Variants in RUNDC3B observed in about 807,000 individuals in gnomAD.
RUNDC3B encodes the protein RUN domain containing 3B, also known as RUN domain-containing protein 3B.
A neutral mutation model predicts 58.4 loss-of-function variants in RUNDC3B; 33 were observed. That is an observed-to-expected ratio of 0.56 (90% confidence interval 0.43 to 0.75). RUNDC3B has a LOEUF of 0.75. Ranked by LOEUF, RUNDC3B falls within the 30% of genes least tolerant of loss-of-function variation. The pLI, the probability that RUNDC3B is intolerant of heterozygous loss-of-function variation, is 0.00. For missense variants in RUNDC3B, 501 were observed against 535.7 expected (o/e 0.94, Z 0.64); for synonymous variants, 193 against 195.2 (o/e 0.99, Z 0.10).
At chr7:87,637,430 A>G (rs529267252) in intron 1 of RUNDC3B, among the ~76,000 whole-genome samples, 1 of 152,282 alleles carries the variant, frequency 6.6e-6, no homozygotes, top group Non-Finnish European at 1.5e-5. Context: ...TTTAGAATCA[A>G]CTTGTCAATT....
At chr7:87,671,467 G>C (rs1825817484) in intron 2 of RUNDC3B, among the ~76,000 whole-genome samples, 1 of 152,080 alleles carries the variant, frequency 6.6e-6, no homozygotes, top group Admixed American at 6.6e-5. Flanking sequence ...TTAACACTCT[G>C]GCCAATTTTC....
chr7:87,830,132 G>A lies in RUNDC3B; in HGVS notation c.*102G>A, dbSNP rs1439194442. ...GAAATTTTATATTGTTCTGGTACATGTCTGAAATTCTATTGCTTGGAGAGA... is the reference window on the plus strand; with the variant it reads ...GAAATTTTATATTGTTCTGGTACATATCTGAAATTCTATTGCTTGGAGAGA... On this transcript the variant is annotated 3_prime_UTR_variant, in exon 11 of 11. Coordinates refer to ENST00000394654, the MANE Select transcript of RUNDC3B (RefSeq NM_001134405.2). 1.7e-6 allele frequency: 1 copy of A among 581,054 alleles called. No individual in the cohort carries two copies. Among genetic ancestry groups the A allele is most frequent in the East Asian group, 3.2e-5 (1 of 30,844 alleles). 36.0% of individuals were successfully genotyped at this position (581,054 alleles called of 1,614,324 possible).
intron 4 of RUNDC3B, among the ~76,000 whole-genome samples, chr7:87,724,030 T>C (rs1831064462): frequency 6.6e-6 from 1 of 152,118 alleles, no homozygotes; most frequent in African/African-American, 2.4e-5. Context: ...GAGACCAGCC[T>C]GGGCAACATA....
intron 1 of RUNDC3B, among the ~76,000 whole-genome samples, chr7:87,647,264 G>A (rs1823102987): frequency 6.6e-6 from 1 of 152,120 alleles, no homozygotes; most frequent in South Asian, 2.1e-4. Context: ...AGTATTCTAA[G>A]ACATTATTTG....
intron 1 of RUNDC3B, 63 bp downstream of exon 1, chr7:87,629,008 C>T (rs1347333334): frequency 5.5e-6 from 7 of 1,282,270 alleles, no homozygotes; most frequent in African/African-American, 1.5e-5. Context: ...TGGGCTTCCG[C>T]GCGGGTCCTT....
At chr7:87,718,778 A>G (rs1583994320) in intron 4 of RUNDC3B, among the ~76,000 whole-genome samples, 1 of 152,164 alleles carries the variant, frequency 6.6e-6, no homozygotes, top group Non-Finnish European at 1.5e-5. Context: ...ATTCAGAAAC[A>G]CTACTTGTAT....
chr7:87,660,740 A>C (rs78551386), intron 2 of RUNDC3B, among the ~76,000 whole-genome samples: 1 of 151,836 alleles, frequency 6.6e-6, no homozygotes, highest in Non-Finnish European at 1.5e-5. Context: ...GCTTTGGCTA[A>C]ATTTATGTTT....
intron 10 of RUNDC3B, among the ~76,000 whole-genome samples, chr7:87,820,476 C>A (rs916933419): frequency 7.2e-5 from 11 of 152,240 alleles, no homozygotes; most frequent in Non-Finnish European, 1.6e-4. Context: ...GGAACTGGTA[C>A]CATTCCTTCT....
intron 1 of RUNDC3B, among the ~76,000 whole-genome samples, chr7:87,641,942 T>C (rs1822500964): frequency 6.6e-6 from 1 of 152,134 alleles, no homozygotes; most frequent in Non-Finnish European, 1.5e-5. Flanking sequence ...TCAAAATTAA[T>C]ATTAATAACA....
At chr7:87,662,286 T>C (rs1232537197) in intron 2 of RUNDC3B, among the ~76,000 whole-genome samples, 1 of 152,146 alleles carries the variant, frequency 6.6e-6, no homozygotes, top group Non-Finnish European at 1.5e-5. Flanking sequence ...TTTGCTTTGG[T>C]TCCCTGTTCT....
chr7:87,693,853 T>C (rs2130658276), intron 2 of RUNDC3B: 1 of 1,572,954 alleles, frequency 6.4e-7, no homozygotes, highest in Admixed American at 1.7e-5. Context: ...ACTGTAAACA[T>C]GATGGCAGGT....
chr7:87,741,644 TTGTC>T (rs1451975336), intron 6 of RUNDC3B, 65 bp downstream of exon 6: 8 of 916,770 alleles, frequency 8.7e-6, no homozygotes, highest in Non-Finnish European at 1.4e-5. Flanking sequence ...TGTGCAATGT[TTGTC>T]TGATCAAAAC....
chr7:87,754,573 C>T (rs1223672421), intron 6 of RUNDC3B, among the ~76,000 whole-genome samples: 6 of 151,818 alleles, frequency 4.0e-5, no homozygotes, highest in Admixed American at 3.9e-4. Context: ...TAGCAAAAGA[C>T]AATAACCAAA....
At chr7:87,792,535 A>G (rs1364457018) in intron 8 of RUNDC3B, among the ~76,000 whole-genome samples, 1 of 152,132 alleles carries the variant, frequency 6.6e-6, no homozygotes, top group Non-Finnish European at 1.5e-5. Context: ...ACAATGGAAT[A>G]TAACTAGAAA....
intron 3 of RUNDC3B, among the ~76,000 whole-genome samples, chr7:87,700,828 C>A (rs986986810): frequency 6.6e-6 from 1 of 152,124 alleles, no homozygotes; most frequent in Admixed American, 6.6e-5. Flanking sequence ...TGTTATTTGC[C>A]TTTTCGCTGT....
At chr7:87,799,031 A>G (rs956364390) in intron 8 of RUNDC3B, among the ~76,000 whole-genome samples, 1 of 152,370 alleles carries the variant, frequency 6.6e-6, no homozygotes, top group Admixed American at 6.5e-5. Flanking sequence ...AGAAGTTAGG[A>G]TATTCACAAG....
At chr7:87,824,312 A>G (rs1837671093) in intron 10 of RUNDC3B, among the ~76,000 whole-genome samples, 1 of 152,182 alleles carries the variant, frequency 6.6e-6, no homozygotes, top group African/African-American at 2.4e-5. Context: ...TGTTCTCATG[A>G]TAGTGAATGA....
At chr7:87,638,810 C>G (rs1044275842) in intron 1 of RUNDC3B, among the ~76,000 whole-genome samples, 1 of 151,990 alleles carries the variant, frequency 6.6e-6, no homozygotes, top group Non-Finnish European at 1.5e-5. Context: ...TCTGTCGACT[C>G]GTGTTATGAC....
chr7:87,774,385 A>T (rs995495269), intron 7 of RUNDC3B, among the ~76,000 whole-genome samples: 2 of 152,106 alleles, frequency 1.3e-5, no homozygotes, highest in Admixed American at 6.6e-5. Flanking sequence ...GAAAGTAATA[A>T]AATAATAGAT....
Sources: gnomAD v4.1 joint callset for allele counts (sites outside exome capture counted in the v4.1 genomes callset) on GRCh38, gnomAD v4.1.1 for gene constraint, MANE v1.5 for transcripts, NCBI Gene and HGNC (gene_info 2026-07-23, HGNC 2026-07-21) for gene names.